Variants in ZNF395 observed in about 807,000 individuals in gnomAD.
The protein encoded by ZNF395 is HD gene regulatory region-binding protein 2.
ZNF395 carries 20 observed loss-of-function variants against 57.7 expected under a neutral mutation model. The observed-to-expected ratio is 0.35, with a 90% CI of 0.24 to 0.50. ZNF395 has a LOEUF of 0.50. ZNF395 is among the 20% of genes least tolerant of loss of function. The probability of loss-of-function intolerance (pLI) is 0.97; values close to 1 mark genes in which losing one functional copy is unlikely to be tolerated. For missense variants in ZNF395, 606 were observed against 671.2 expected, an observed-to-expected ratio of 0.90 and a Z score of 1.07; for synonymous variants, 295 against 275.9, an observed-to-expected ratio of 1.07 and a Z score of -0.69.
rs140315519 is a variant in ZNF395, at chr8:28,365,704, A to G, written c.-58-4522T>C. On this transcript the variant is annotated intron_variant, in intron 1 of 9. Coordinates refer to ENST00000344423, the MANE Select transcript of ZNF395 (RefSeq NM_018660.3). ...TCCTCACTCCCTACTGCCGTCACCAACAGGAGGGGTTGGCTACCCTAGATA... is the reference window on the plus strand; with the variant it reads ...TCCTCACTCCCTACTGCCGTCACCAGCAGGAGGGGTTGGCTACCCTAGATA... 4.9e-3 allele frequency among the ~76,000 whole-genome samples: 744 copies of G among 152,310 alleles called. 7 individuals carry two copies. The highest frequency in any genetic ancestry group is 0.017 in the African/African-American group (704 of 41,558).
chr8:28,382,652 C>G (rs1388332640), intron 1 of ZNF395, among the ~76,000 whole-genome samples: 1 of 152,202 alleles, frequency 6.6e-6, no homozygotes, highest in Non-Finnish European at 1.5e-5. Flanking sequence ...ATCATCTTGG[C>G]TTGCTCCTTA....
intron 1 of ZNF395, among the ~76,000 whole-genome samples, chr8:28,383,352 G>A (rs764264099): frequency 1.3e-5 from 2 of 152,024 alleles, no homozygotes; most frequent in Non-Finnish European, 2.9e-5. Context: ...CTACTTGCAG[G>A]GTGCCAGGCT....
At chr8:28,371,478 G>A (rs1711098302) in intron 1 of ZNF395, among the ~76,000 whole-genome samples, 2 of 152,274 alleles carry the variant, frequency 1.3e-5, no homozygotes, top group African/African-American at 2.4e-5. Context: ...ACCAGACCCA[G>A]ACAAGCTATG....
chr8:28,371,867 A>G (rs952051635), intron 1 of ZNF395, among the ~76,000 whole-genome samples: 1 of 152,092 alleles, frequency 6.6e-6, no homozygotes, highest in Non-Finnish European at 1.5e-5. Flanking sequence ...TGACCAACAT[A>G]GCAAAACCTC....
chr8:28,351,596 C>G lies in ZNF395; in HGVS notation c.1132G>C (p.Gly378Arg). The G allele has an allele frequency of 1.9e-6, 3 of 1,613,640 alleles. No homozygotes were observed. Among genetic ancestry groups the G allele is most frequent in the South Asian group, 1.1e-5 (1 of 91,082 alleles). ...PPPLHKAQSS[G>R]PEHPGPESSL... ...GACTCCGGGCCAGGATGTTCTGGGC[C>G]GGAGGACTGGGCTTTGTGCAGAGGT... The change falls in exon 7 of 10, where the codon GGC (glycine) becomes CGC (arginine). Residue 378 changes from glycine (G) to arginine (R), a missense_variant. Around this residue, in one of 3 missense-constraint regions of ZNF395, gnomAD observed 261 missense variants for 240.3 expected, o/e 1.09. Coordinates refer to ENST00000344423, the MANE Select transcript of ZNF395 (RefSeq NM_018660.3).
At chr8:28,370,667 C>T (rs1801966090) in intron 1 of ZNF395, among the ~76,000 whole-genome samples, 1 of 152,176 alleles carries the variant, frequency 6.6e-6, no homozygotes, top group African/African-American at 2.4e-5. Flanking sequence ...GGCACATACT[C>T]TCCGAGTTTT....
intron 1 of ZNF395, among the ~76,000 whole-genome samples, chr8:28,371,722 AAG>A (rs1801978427): frequency 6.6e-6 from 1 of 152,148 alleles, no homozygotes; most frequent in African/African-American, 2.4e-5. Flanking sequence ...AAATATCCCA[AAG>A]AGAATGCACA....
Position 28,347,351 on chromosome 8 carries a change from C to A in ZNF395, c.*1368G>T, listed in dbSNP as rs148505795. On this transcript the variant is annotated 3_prime_UTR_variant, in exon 10 of 10. Coordinates refer to ENST00000344423, the MANE Select transcript of ZNF395 (RefSeq NM_018660.3). ...CACATTCCAGTAGGCCCTGAGGAAT[C>A]CCCAAATAAGTCACGCTGGGAGGAA... 1,097 of 152,386 alleles carry A rather than the reference C, an allele frequency of 7.2e-3. 5 individuals carry two copies. The highest frequency in any genetic ancestry group is 0.014 in the Middle Eastern group (4 of 294). The allele number at this position is 152,386 out of a possible 1,614,324, so 9.4% of individuals were successfully genotyped here.
Position 28,347,258 on chromosome 8 carries a change from C to A in ZNF395, c.*1461G>T, listed in dbSNP as rs1801615486. ...CCAGGACAGGTGGCTGGGTAGGATTCCCTGAGCCCCTGACAGCTGGGACAT... is the reference window on the plus strand; with the variant it reads ...CCAGGACAGGTGGCTGGGTAGGATTACCTGAGCCCCTGACAGCTGGGACAT... On this transcript the variant is annotated 3_prime_UTR_variant, in exon 10 of 10. Coordinates refer to ENST00000344423, the MANE Select transcript of ZNF395 (RefSeq NM_018660.3). 2 of 152,272 alleles carry A rather than the reference C, an allele frequency of 1.3e-5. No homozygotes were observed. 9.4% of individuals were successfully genotyped at this position (152,272 alleles called of 1,614,324 possible).
chr8:28,359,953 T>C lies in ZNF395; in HGVS notation c.241-129A>G. The C allele has an allele frequency of 7.1e-7, 1 of 1,414,322 alleles. No individual in the cohort carries two copies. The highest frequency in any genetic ancestry group is 9.4e-7 in the Non-Finnish European group (1 of 1,067,360). 87.6% of individuals were successfully genotyped at this position (1,414,322 alleles called of 1,614,324 possible). On this transcript the variant is annotated intron_variant, in intron 2 of 9. Transcript: ENST00000344423. The surrounding 1 kb of genome is among the most constrained non-coding windows in gnomAD (Gnocchi z 4.7). ...CCATGTTCTCTGCCTCACTCATCTT[T>C]TATTCAAGCAGATGTTCCCAGGTAC... is the stretch of plus-strand genomic sequence containing the variant.
chr8:28,353,221 G>A lies in ZNF395; in HGVS notation c.771C>T (p.Thr257=), dbSNP rs766882746. The A allele has an allele frequency of 8.1e-6, 13 of 1,613,512 alleles. No homozygotes were observed. The highest frequency in any genetic ancestry group is 1.6e-4 in the Middle Eastern group (1 of 6,080). ...CGTCCAGCAGGAAAGGGTCAGGATC[G>A]GTCTCAAAGCCATGATCAGTTTGGG... ...GSPQTDHGFE[T]DPDPFLLDEP... The change falls in exon 5 of 10, where the codon ACC becomes ACT. Residue 257 remains threonine, a synonymous_variant. Coordinates refer to ENST00000344423, the MANE Select transcript of ZNF395 (RefSeq NM_018660.3).
chr8:28,369,134 C>T (rs1005301537), intron 1 of ZNF395, among the ~76,000 whole-genome samples: 9 of 148,120 alleles, frequency 6.1e-5, no homozygotes, highest in African/African-American at 1.0e-4. Context: ...CTGTGCCTGG[C>T]CAATTTTTTT....
rs1801721373 is a variant in ZNF395 at position 28,352,079 on chromosome 8, A to G, written c.921-272T>C. 6.6e-6 allele frequency among the ~76,000 whole-genome samples: 1 copy of G among 152,168 alleles called. No homozygotes were observed. The highest frequency in any genetic ancestry group is 1.5e-5 in the Non-Finnish European group (1 of 68,024). On this transcript the variant is annotated intron_variant, in intron 6 of 9. Coordinates refer to ENST00000344423, the MANE Select transcript of ZNF395 (RefSeq NM_018660.3). This position sits in a 1 kb window ranked among gnomAD's most constrained non-coding sequence, Gnocchi z 4.0. ...TGGCAGGAGGCATCCCACACTGAGC[A>G]CGACCACGAGCCCTCTCTGGGCCCC...
chr8:28,378,306 T>C (rs1802068539), intron 1 of ZNF395, among the ~76,000 whole-genome samples: 1 of 152,164 alleles, frequency 6.6e-6, no homozygotes, highest in Non-Finnish European at 1.5e-5. Flanking sequence ...GGCTCACTGC[T>C]CCTGGCTCAC....
At position 28,351,711 on chromosome 8, in the gene ZNF395, A is replaced by G. The variant is rs142343457; in HGVS notation, c.1017T>C (p.Ala339=). The G allele has an allele frequency of 3.2e-3, 5,002 of 1,562,490 alleles. 11 individuals carry two copies. Among genetic ancestry groups the G allele is most frequent in the South Asian group, 4.3e-3 (370 of 86,446 alleles). ...KEESAAAAAA[A]AAGTPVPGTP... ...TCCCAGGGACTGGGGTGCCTGCGGC[A>G]GCAGCAGCAGCAGCAGCAGCAGATT... Residue 339 remains alanine (A), a synonymous_variant, in exon 7 of 10, where the codon GCT becomes GCC. Coordinates refer to ENST00000344423, the MANE Select transcript of ZNF395 (RefSeq NM_018660.3).
chr8:28,349,508 G>A (rs1190072967), intron 8 of ZNF395, among the ~76,000 whole-genome samples: 1 of 152,232 alleles, frequency 6.6e-6, no homozygotes, highest in Non-Finnish European at 1.5e-5. Context: ...GAGCCGCTAT[G>A]CCTGGAAGCC....
intron 7 of ZNF395, 93 bp from the exon 8 acceptor site, chr8:28,350,249 G>A (rs1453122562): frequency 2.6e-5 from 28 of 1,070,914 alleles, no homozygotes; most frequent in Non-Finnish European, 3.5e-5. Flanking sequence ...GCAGCAGAAG[G>A]TGCATCTCTG....
At chr8:28,369,210 G>A (rs1194526040) in intron 1 of ZNF395, among the ~76,000 whole-genome samples, 2 of 150,584 alleles carry the variant, frequency 1.3e-5, no homozygotes, top group Admixed American at 1.3e-4. Context: ...TCATTTGAAT[G>A]GATCATCACA....
Position 28,356,819 on chromosome 8 carries a change from C to T in ZNF395, c.474-40G>A. The stretch of plus-strand genomic sequence containing the variant: ...ATGAGTGGGAAATGTTACTTCCTGG[C>T]ATGGCGGGCCCATGGTCCTTGCAAA... On this transcript the variant is annotated intron_variant, in intron 3 of 9. Transcript: ENST00000344423. The surrounding 1 kb of genome is among the most constrained non-coding windows in gnomAD (Gnocchi z 4.0). The T allele has an allele frequency of 1.3e-6, 2 of 1,530,756 alleles. No individual in the cohort carries two copies. Among genetic ancestry groups the T allele is most frequent in the Non-Finnish European group, 1.8e-6 (2 of 1,119,396 alleles). 94.8% of individuals were successfully genotyped at this position (1,530,756 alleles called of 1,614,324 possible). A position where few individuals can be genotyped will look rare whatever the true frequency, so the allele number is the denominator to read the frequency against.
Sources: gnomAD v4.1 joint callset for allele counts (sites outside exome capture counted in the v4.1 genomes callset) on GRCh38, gnomAD v4.1.1 for gene constraint, gnomAD v4.1.1 regional missense constraint, Gnocchi (gnomAD v3.1) non-coding constraint, MANE v1.5 for transcripts, NCBI Gene and HGNC (gene_info 2026-07-23, HGNC 2026-07-21) for gene names.